ITPK1: variants seen among roughly 807,000 people sequenced by gnomAD.
ITPK1 encodes the protein inositol-tetrakisphosphate 1-kinase.
In ITPK1, 21 loss-of-function variants were observed where a neutral mutation model predicts 45.3. The ratio of observed to expected loss-of-function variants is 0.46; its 90% CI spans 0.33 to 0.67. The LOEUF is 0.67. Among genes scored for constraint, ITPK1 ranks in the 30% least tolerant of loss-of-function variants. ITPK1 has a pLI of 0.02. For synonymous variants in ITPK1, 258 were observed against 253.6 expected, an observed-to-expected ratio of 1.02 and a Z score of -0.16; for missense variants, 474 against 573.5, an observed-to-expected ratio of 0.83 and a Z score of 1.77.
chr14:93,070,502 C>T (rs576376121), intron 3 of ITPK1: 3 of 152,410 alleles, frequency 2.0e-5, no homozygotes, highest in Admixed American at 6.5e-5. Context: ...ATCATAGTGC[C>T]GTGCTTGGCA....
At chr14:92,982,477 G>T (rs1025436140) in intron 5 of ITPK1, among the ~76,000 whole-genome samples, 6 of 152,194 alleles carry the variant, frequency 3.9e-5, no homozygotes, top group Admixed American at 2.0e-4. Context: ...TGGCCAGCAA[G>T]GGTGGGGACC....
chr14:93,009,167 G>A (rs1887767439), intron 4 of ITPK1, among the ~76,000 whole-genome samples: 1 of 152,212 alleles, frequency 6.6e-6, no homozygotes, highest in Non-Finnish European at 1.5e-5. Context: ...GCCCCTAGCA[G>A]TGCAGAATTA....
At chr14:92,977,784 C>T (rs533752207) in intron 5 of ITPK1, among the ~76,000 whole-genome samples, 16 of 151,920 alleles carry the variant, frequency 1.1e-4, no homozygotes, top group South Asian at 1.0e-3. Flanking sequence ...CCTGTGGAAC[C>T]GGGAGTCAAC....
At position 93,013,874 on chromosome 14, in the gene ITPK1, G is replaced by A. The variant is rs1249782412; in HGVS notation, c.246+2802C>T. On this transcript the variant is annotated intron_variant, in intron 4 of 10. Transcript: ENST00000267615. ...TCTGGCTCTGAACTTGCATCTTATG[G>A]CAGAGGGAAGGGGACGATCAATGCT... 5.3e-5 allele frequency among the ~76,000 whole-genome samples: 8 copies of A among 152,298 alleles called. No individual in the cohort carries two copies. In the South Asian group the frequency reaches 1.7e-3, roughly 32 times the overall value.
At chr14:92,966,584 A>G (rs1885374915) in intron 5 of ITPK1, among the ~76,000 whole-genome samples, 2 of 152,234 alleles carry the variant, frequency 1.3e-5, no homozygotes. Context: ...GCAGGAAATG[A>G]CAAGCTGGTC....
chr14:93,040,603 G>A (rs1889519250), intron 3 of ITPK1, among the ~76,000 whole-genome samples: 1 of 152,172 alleles, frequency 6.6e-6, no homozygotes, highest in Admixed American at 6.5e-5. Context: ...GAGGCTTCCT[G>A]CACGCAGTCC....
chr14:92,986,115 T>C (rs578037262), intron 5 of ITPK1, among the ~76,000 whole-genome samples: 2 of 152,312 alleles, frequency 1.3e-5, no homozygotes, highest in South Asian at 2.1e-4. Context: ...GGGTCAGCCA[T>C]GCAACCACTC....
intron 3 of ITPK1, among the ~76,000 whole-genome samples, chr14:93,064,752 G>A (rs1890679235): frequency 1.3e-5 from 2 of 152,218 alleles, no homozygotes; most frequent in African/African-American, 4.8e-5. Flanking sequence ...AGGGCAATCA[G>A]GTCCCTGAAA....
intron 2 of ITPK1, among the ~76,000 whole-genome samples, chr14:93,109,385 T>A (rs1892653555): frequency 6.6e-6 from 1 of 152,162 alleles, no homozygotes; most frequent in South Asian, 2.1e-4. Flanking sequence ...GAACTGGAAC[T>A]CAGCAATGAG....
chr14:93,026,905 A>G (rs1888762708), intron 3 of ITPK1, among the ~76,000 whole-genome samples: 1 of 152,256 alleles, frequency 6.6e-6, no homozygotes, highest in Non-Finnish European at 1.5e-5. Context: ...GTGCTTGTAC[A>G]GTAAGTCTTC....
intron 3 of ITPK1, among the ~76,000 whole-genome samples, chr14:93,017,378 G>A (rs1888233773): frequency 6.6e-6 from 1 of 152,240 alleles, no homozygotes; most frequent in Admixed American, 6.5e-5. Flanking sequence ...TGGGCTCATC[G>A]GGAGAAGCGA....
chr14:93,026,228 A>C (rs1350849816), intron 3 of ITPK1, among the ~76,000 whole-genome samples: 1 of 152,256 alleles, frequency 6.6e-6, no homozygotes, highest in Non-Finnish European at 1.5e-5. Context: ...CACGTATTAT[A>C]TTTGCAGCTT....
chr14:93,004,834 C>A (rs887404510), intron 4 of ITPK1, among the ~76,000 whole-genome samples: 84 of 151,062 alleles, frequency 5.6e-4, no homozygotes, highest in Non-Finnish European at 1.1e-3. Context: ...TTGGTGATGT[C>A]AACCACAAAG....
intron 2 of ITPK1, among the ~76,000 whole-genome samples, chr14:93,108,029 C>T (rs527856727): frequency 6.6e-6 from 1 of 152,138 alleles, no homozygotes; most frequent in South Asian, 2.1e-4. Flanking sequence ...CGGCTTGGAG[C>T]GAGGCAAGTT....
At chr14:93,053,997 G>A (rs139682412) in intron 3 of ITPK1, among the ~76,000 whole-genome samples, 15 of 152,210 alleles carry the variant, frequency 9.9e-5, no homozygotes, top group African/African-American at 1.4e-4. Context: ...AGATGGGGTC[G>A]GGGAAGGAAG....
chr14:93,017,921 G>A (rs1827707806), intron 3 of ITPK1, among the ~76,000 whole-genome samples: 1 of 152,260 alleles, frequency 6.6e-6, no homozygotes, highest in African/African-American at 2.4e-5. Flanking sequence ...TGAGAAAAGT[G>A]GAGGACGGAG....
intron 2 of ITPK1, among the ~76,000 whole-genome samples, chr14:93,094,313 G>A (rs1165223022): frequency 1.3e-5 from 2 of 152,174 alleles, no homozygotes; most frequent in Non-Finnish European, 2.9e-5. Flanking sequence ...ATCACCGTCG[G>A]TATGGGCTTT....
intron 5 of ITPK1, among the ~76,000 whole-genome samples, chr14:92,974,272 C>T (rs1018889672): frequency 1.3e-5 from 2 of 152,178 alleles, no homozygotes; most frequent in Admixed American, 6.5e-5. Context: ...ATGGCAGTGA[C>T]ATCATCGTGT....
At chr14:93,098,456 C>CAAA (rs35436506) in intron 2 of ITPK1, among the ~76,000 whole-genome samples, 12 of 141,196 alleles carry the variant, frequency 8.5e-5, no homozygotes, top group Non-Finnish European at 1.6e-4. Flanking sequence ...GATTCCGTCT[C>CAAA]AAAAAAAAAA....
Sources: gnomAD v4.1 joint callset for allele counts (sites outside exome capture counted in the v4.1 genomes callset) on GRCh38, gnomAD v4.1.1 for gene constraint, MANE v1.5 for transcripts, NCBI Gene and HGNC (gene_info 2026-07-23, HGNC 2026-07-21) for gene names.